Variants in TET2 observed in about 807,000 individuals in gnomAD.
TET2 encodes the protein methylcytosine dioxygenase TET2.
TET2 carries 299 observed loss-of-function variants against 142.9 expected under a neutral mutation model. The observed-to-expected ratio is 2.09, with a 90% CI of 1.90 to 2.30. TET2 has a LOEUF of 2.30. TET2 is among the 30% of genes most tolerant of loss of function. TET2 has a pLI of 0.00. For synonymous variants in TET2, 819 were observed against 849.0 expected (o/e 0.96, Z 0.61); for missense variants, 2,418 against 2,378.0 (o/e 1.02, Z -0.35).
intron 8 of TET2, among the ~76,000 whole-genome samples, chr4:105,263,939 G>A (rs1730563587): frequency 6.6e-6 from 1 of 152,070 alleles, no homozygotes; most frequent in Non-Finnish European, 1.5e-5. Context: ...GTATACAGGA[G>A]CAATAGGTAT....
Position 105,237,877 on chromosome 4 carries a change from A to G in TET2, c.3409+526A>G, listed in dbSNP as rs1005907029. The G allele has an allele frequency of 5.8e-5, 61 of 1,055,292 alleles. No individual in the cohort carries two copies. In the African/African-American group the frequency reaches 1.0e-3, roughly 17 times the overall value. The allele number at this position is 1,055,292 out of a possible 1,614,324, so 65.4% of individuals were successfully genotyped here. A position where few individuals can be genotyped will look rare whatever the true frequency, so the allele number is the denominator to read the frequency against. On this transcript the variant is annotated intron_variant, in intron 3 of 10. Coordinates refer to ENST00000380013, the MANE Select transcript of TET2 (RefSeq NM_001127208.3). ...ATGCTGACACTCTTAGTGCTCCTAA[A>G]GTTTCCTTTTCTCCATTTATACATT...
At position 105,277,682 on chromosome 4, in the gene TET2, C is replaced by T. The variant is rs1170678073; in HGVS notation, c.*1163C>T. 3 of 229,228 alleles carry T rather than the reference C, an allele frequency of 1.3e-5. No homozygotes were observed. Among genetic ancestry groups the T allele is most frequent in the Non-Finnish European group, 2.6e-5 (3 of 115,586 alleles). 14.2% of individuals were successfully genotyped at this position (229,228 alleles called of 1,614,324 possible). On this transcript the variant is annotated 3_prime_UTR_variant, in exon 11 of 11. Transcript: ENST00000380013. ...AAAACATGTTTTCTGGTGCTCATCT[C>T]ACATGCTATACTGTAAAACAGTTTT... is the stretch of plus-strand genomic sequence containing the variant.
At position 105,205,644 on chromosome 4, in the gene TET2, C is replaced by CT. The variant is rs1248024042; in HGVS notation, c.-47+15147dup. ...TCAAAACATTGTCTTTTTTATTTTT[C>CT]TTTTTTTTGAGTTTTTCACTCTTGT... is the stretch of plus-strand genomic sequence containing the variant. On this transcript the variant is annotated intron_variant, in intron 2 of 10. Transcript: ENST00000380013. 5.9e-5 allele frequency among the ~76,000 whole-genome samples: 9 copies of CT among 151,466 alleles called. No homozygotes were observed. In the South Asian group the frequency reaches 6.2e-4, roughly 11 times the overall value.
At chr4:105,188,435 G>A (rs1725589095) in intron 1 of TET2, among the ~76,000 whole-genome samples, 1 of 152,208 alleles carries the variant, frequency 6.6e-6, no homozygotes, top group African/African-American at 2.4e-5. Context: ...AAGTTCTGGA[G>A]ATGGGTGGCA....
chr4:105,209,025 A>G (rs1486012438), intron 2 of TET2, among the ~76,000 whole-genome samples: 1 of 130,902 alleles, frequency 7.6e-6, no homozygotes, highest in Non-Finnish European at 1.7e-5. Context: ...CACATCAGAA[A>G]TGAAATAGAT....
intron 6 of TET2, among the ~76,000 whole-genome samples, chr4:105,259,055 A>G (rs750054077): frequency 5.9e-5 from 9 of 152,176 alleles, no homozygotes; most frequent in Admixed American, 5.2e-4. Flanking sequence ...CTTATATTAT[A>G]TAATTCCATA....
chr4:105,248,616 A>G (rs1240369546), intron 6 of TET2, among the ~76,000 whole-genome samples: 1 of 152,220 alleles, frequency 6.6e-6, no homozygotes. Context: ...TAGAAAATCA[A>G]CTTTAAGTTA....
At chr4:105,163,696 C>A (rs760549979) in intron 1 of TET2, among the ~76,000 whole-genome samples, 1 of 152,182 alleles carries the variant, frequency 6.6e-6, no homozygotes, top group Non-Finnish European at 1.5e-5. Flanking sequence ...TCTTTGGCAT[C>A]ATCTCCCTAT....
intron 1 of TET2, among the ~76,000 whole-genome samples, chr4:105,153,212 T>C (rs1723398134): frequency 6.6e-6 from 1 of 152,200 alleles, no homozygotes; most frequent in Admixed American, 6.5e-5. Context: ...TAATATCATA[T>C]CACATCACAT....
At chr4:105,172,234 G>T (rs1724512634) in intron 1 of TET2, among the ~76,000 whole-genome samples, 2 of 152,054 alleles carry the variant, frequency 1.3e-5, no homozygotes, top group Non-Finnish European at 2.9e-5. Flanking sequence ...TGTAATTTTT[G>T]ACTCCCCAAA....
Position 105,167,492 on chromosome 4 carries a change from A to G in TET2, c.-193+20513A>G, listed in dbSNP as rs1262937432. Among the ~76,000 whole-genome samples, 4 of 152,146 alleles carry G rather than the reference A, an allele frequency of 2.6e-5. No homozygotes were observed. The East Asian group carries it at 7.7e-4, about 29-fold the overall frequency. ...ATACACATGTAGTATATCTATATAC[A>G]TGTATATGTACAAAGAAAAAATATG... On this transcript the variant is annotated intron_variant, in intron 1 of 10. Coordinates refer to ENST00000380013, the MANE Select transcript of TET2 (RefSeq NM_001127208.3).
intron 1 of TET2, among the ~76,000 whole-genome samples, chr4:105,170,706 G>A (rs1724414716): frequency 6.6e-6 from 1 of 152,142 alleles, no homozygotes; most frequent in Non-Finnish European, 1.5e-5. Flanking sequence ...GGAAACATTG[G>A]TCACTAAAAT....
At chr4:105,198,876 A>G (rs1726262374) in intron 2 of TET2, among the ~76,000 whole-genome samples, 4 of 152,210 alleles carry the variant, frequency 2.6e-5, no homozygotes, top group Admixed American at 1.3e-4. Flanking sequence ...AAGTTACACT[A>G]TATTAGAGCT....
chr4:105,164,414 T>G (rs1315452512), intron 1 of TET2, among the ~76,000 whole-genome samples: 1 of 152,234 alleles, frequency 6.6e-6, no homozygotes, highest in Non-Finnish European at 1.5e-5. Context: ...TCTTATCTCA[T>G]GGATTACTGA....
Position 105,237,744 on chromosome 4 carries a change from C to T in TET2, c.3409+393C>T, listed in dbSNP as rs536512301. On this transcript the variant is annotated intron_variant, in intron 3 of 10. Coordinates refer to ENST00000380013, the MANE Select transcript of TET2 (RefSeq NM_001127208.3). ...TAACGACCATAGGCAGTCTAATGTA[C>T]GAACTTTAAATATTTTTTAATTCAA... 166 of 1,178,462 alleles carry T rather than the reference C, an allele frequency of 1.4e-4. No homozygotes were observed. In the Middle Eastern group the frequency reaches 1.8e-3, roughly 13 times the overall value. The allele number at this position is 1,178,462 out of a possible 1,614,324, so 73.0% of individuals were successfully genotyped here.
intron 8 of TET2, among the ~76,000 whole-genome samples, chr4:105,267,629 CA>C (rs1167877992): frequency 7.0e-6 from 1 of 143,176 alleles, no homozygotes; most frequent in African/African-American, 2.6e-5. Flanking sequence ...TATATAGGAC[CA>C]AAAAAAGATA....
intron 2 of TET2, among the ~76,000 whole-genome samples, chr4:105,217,280 A>G (rs1246681165): frequency 6.6e-6 from 1 of 152,074 alleles, no homozygotes; most frequent in African/African-American, 2.4e-5. Flanking sequence ...TATAACTGGA[A>G]GAAGATAGTT....
rs1730318066 is a variant in TET2 at position 105,259,610 on chromosome 4, A to C, written c.3804-9A>C. On this transcript the variant is annotated splice_polypyrimidine_tract_variant and intron_variant, in intron 6 of 10. Coordinates refer to ENST00000380013, the MANE Select transcript of TET2 (RefSeq NM_001127208.3). Reference sequence around the variant, plus strand: ...CCATAGCAATGAATTTGGTCTTTTGATTTTTCAGGAGAACTTGCGCCTGTC... The same window carrying C: ...CCATAGCAATGAATTTGGTCTTTTGCTTTTTCAGGAGAACTTGCGCCTGTC... 1 of 1,550,048 alleles carries C rather than the reference A, an allele frequency of 6.5e-7. No homozygotes were observed. The highest frequency in any genetic ancestry group is 8.7e-7 in the Non-Finnish European group (1 of 1,146,108).
Position 105,277,249 on chromosome 4 carries a change from T to C in TET2, c.*730T>C, listed in dbSNP as rs1731268366. 1 of 227,268 alleles carries C rather than the reference T, an allele frequency of 4.4e-6. No individual in the cohort carries two copies. The highest frequency in any genetic ancestry group is 2.2e-5 in the African/African-American group (1 of 45,058). 14.1% of individuals were successfully genotyped at this position (227,268 alleles called of 1,614,324 possible). On this transcript the variant is annotated 3_prime_UTR_variant, in exon 11 of 11. Transcript: ENST00000380013. ...TCAAGTTTTTATCATAATTACCTAT[T>C]CTTACACAAGCTTAGTTTTTAAAAT...
Sources: allele counts gnomAD v4.1 joint callset (sites outside exome capture counted in the v4.1 genomes callset), GRCh38; gene constraint gnomAD v4.1.1; transcripts MANE v1.5; gene names NCBI Gene and HGNC (gene_info 2026-07-23, HGNC 2026-07-21).